CSMD1: variants seen among roughly 807,000 people sequenced by gnomAD.
CSMD1 encodes CUB and Sushi multiple domains 1, also known as CUB and sushi domain-containing protein 1.
CSMD1 carries 213 observed loss-of-function variants against 417.5 expected under a neutral mutation model. The ratio of observed to expected loss-of-function variants is 0.51; its 90% CI spans 0.46 to 0.57. The LOEUF is 0.57. Among genes scored for constraint, CSMD1 ranks in the 20% least tolerant of loss-of-function variants. The pLI is 0.00. For missense variants in CSMD1, 6,923 were observed against 4,529.7 expected, an observed-to-expected ratio of 1.53 and a Z score of -15.17; for synonymous variants, 2,862 against 1,736.8, an observed-to-expected ratio of 1.65 and a Z score of -16.11.
At chr8:3,770,243 G>A (rs954160168) in intron 5 of CSMD1, among the ~76,000 whole-genome samples, 1 of 152,140 alleles carries the variant, frequency 6.6e-6, no homozygotes, top group Non-Finnish European at 1.5e-5. Context: ...GAAAATACTA[G>A]GCAACTGGGC....
chr8:3,404,150 A>G (rs188697497), intron 15 of CSMD1, among the ~76,000 whole-genome samples: 2 of 152,196 alleles, frequency 1.3e-5, no homozygotes, highest in East Asian at 1.9e-4. Context: ...CCTGGCCAAC[A>G]TGTTGAAACG....
intron 3 of CSMD1, among the ~76,000 whole-genome samples, chr8:4,253,118 G>A (rs562681478): frequency 6.6e-6 from 1 of 152,326 alleles, no homozygotes; most frequent in East Asian, 1.9e-4. Flanking sequence ...CTGTGGAACT[G>A]GATGGATATT....
intron 1 of CSMD1, among the ~76,000 whole-genome samples, chr8:4,802,686 G>A (rs776375252): frequency 1.3e-5 from 2 of 152,044 alleles, no homozygotes; most frequent in Admixed American, 6.6e-5. Flanking sequence ...TTAATACTGT[G>A]AAAGGCTTTG....
At chr8:4,226,307 A>G (rs535610357) in intron 3 of CSMD1, among the ~76,000 whole-genome samples, 37 of 152,350 alleles carry the variant, frequency 2.4e-4, no homozygotes, top group African/African-American at 8.2e-4. Flanking sequence ...TTGACATTCA[A>G]AAAAGAATTA....
At chr8:3,896,520 T>A (rs540120266) in intron 5 of CSMD1, among the ~76,000 whole-genome samples, 458 of 151,878 alleles carry the variant, frequency 3.0e-3, no homozygotes, top group Non-Finnish European at 4.8e-3. Context: ...ATTATTATTA[T>A]TATTATTTTG....
chr8:3,974,989 G>C (rs958205196), intron 5 of CSMD1, among the ~76,000 whole-genome samples: 1 of 152,128 alleles, frequency 6.6e-6, no homozygotes, highest in African/African-American at 2.4e-5. Context: ...TATGTGGAAT[G>C]CTTGAGTTCT....
intron 17 of CSMD1, among the ~76,000 whole-genome samples, chr8:3,388,175 G>T (rs995906391): frequency 2.0e-5 from 3 of 152,076 alleles, no homozygotes; most frequent in African/African-American, 7.2e-5. Context: ...TAAAAACTGT[G>T]CTAGTGTTAT....
Position 3,219,378 on chromosome 8 carries a change from G to C in CSMD1, c.4549C>G (p.Leu1517Val). ...IYEGEDSNSPLIGSYQGSQAP... is the reference protein window; with the variant it reads ...IYEGEDSNSPVIGSYQGSQAP... ...TGAGAGCCCTGGTAACTCCCAATGA[G>C]GGGGCTGTTGGAATCTTCCCCTTCA... Residue 1517 changes from leucine to valine, a missense_variant, in exon 29 of 70, where the codon CTC becomes GTC. Physicochemically the swap from Leu to Val is conservative, Grantham distance 32. Coordinates refer to ENST00000635120, the MANE Select transcript of CSMD1 (RefSeq NM_033225.6). The C allele has an allele frequency of 6.4e-7, 1 of 1,567,220 alleles. No homozygotes were observed. The highest frequency in any genetic ancestry group is 8.7e-7 in the Non-Finnish European group (1 of 1,155,658).
intron 5 of CSMD1, among the ~76,000 whole-genome samples, chr8:3,880,346 T>A (rs1271343905): frequency 6.6e-6 from 1 of 152,208 alleles, no homozygotes; most frequent in African/African-American, 2.4e-5. Flanking sequence ...TTGTTCTTTA[T>A]TGTTAATTGA....
At chr8:3,160,375 G>C (rs1819806769) in intron 38 of CSMD1, among the ~76,000 whole-genome samples, 1 of 152,128 alleles carries the variant, frequency 6.6e-6, no homozygotes, top group Non-Finnish European at 1.5e-5. Context: ...CTCTGACTTT[G>C]GAATCCCAAA....
At chr8:4,524,648 G>C (rs769223515) in intron 2 of CSMD1, among the ~76,000 whole-genome samples, 3 of 140,858 alleles carry the variant, frequency 2.1e-5, no homozygotes, top group Admixed American at 7.8e-5. Flanking sequence ...AGTGAGTCAT[G>C]TTGATGAAAT....
At chr8:4,012,481 T>G (rs562217290) in intron 4 of CSMD1, among the ~76,000 whole-genome samples, 1 of 152,334 alleles carries the variant, frequency 6.6e-6, no homozygotes, top group South Asian at 2.1e-4. Context: ...GTTACTTGCA[T>G]AAATCTTGTG....
At chr8:3,138,036 C>G (rs142313211) in intron 41 of CSMD1, among the ~76,000 whole-genome samples, 6 of 152,114 alleles carry the variant, frequency 3.9e-5, no homozygotes, top group Admixed American at 1.3e-4. Flanking sequence ...ACCAACCTGG[C>G]CAACATGGGT....
intron 41 of CSMD1, among the ~76,000 whole-genome samples, chr8:3,120,706 G>GGGGC (rs1817152543): frequency 1.4e-5 from 2 of 147,344 alleles, no homozygotes; most frequent in African/African-American, 5.2e-5. Context: ...AATTAGCCAG[G>GGGGC]GGGGGTGACC....
At chr8:3,485,168 A>T (rs150748094) in intron 11 of CSMD1, among the ~76,000 whole-genome samples, 87 of 152,336 alleles carry the variant, frequency 5.7e-4, no homozygotes, top group African/African-American at 1.9e-3. Context: ...CCAGGTGTCC[A>T]TCTGTGGGTG....
chr8:4,535,982 AAAAT>A (rs1189441736), intron 2 of CSMD1, among the ~76,000 whole-genome samples: 11 of 150,750 alleles, frequency 7.3e-5, no homozygotes, highest in Admixed American at 3.4e-4. Flanking sequence ...GTTTTATCTT[AAAAT>A]AAATAAAAGT....
intron 3 of CSMD1, among the ~76,000 whole-genome samples, chr8:4,245,619 T>A (rs775619928): frequency 6.6e-6 from 1 of 152,116 alleles, no homozygotes; most frequent in African/African-American, 2.4e-5. Flanking sequence ...GTCAACAATG[T>A]CATAATCAAA....
intron 26 of CSMD1, among the ~76,000 whole-genome samples, chr8:3,243,207 G>C (rs1655031810): frequency 1.3e-5 from 2 of 152,128 alleles, no homozygotes; most frequent in Non-Finnish European, 2.9e-5. Context: ...CCTTGGGGTG[G>C]TGGGTCTGAG....
At chr8:4,313,530 G>A (rs1053023242) in intron 3 of CSMD1, among the ~76,000 whole-genome samples, 27 of 149,646 alleles carry the variant, frequency 1.8e-4, no homozygotes, top group African/African-American at 4.7e-4. Flanking sequence ...AAAATCACGC[G>A]TAGGTCACAT....
Sources: allele counts gnomAD v4.1 joint callset (sites outside exome capture counted in the v4.1 genomes callset), GRCh38; gene constraint gnomAD v4.1.1; transcripts MANE v1.5; gene names NCBI Gene and HGNC (gene_info 2026-07-23, HGNC 2026-07-21).